Variants in LSM14A observed in about 807,000 individuals in gnomAD.
LSM14A encodes protein LSM14 homolog A.
LSM14A carries 14 observed loss-of-function variants against 52.4 expected under a neutral mutation model. The ratio of observed to expected loss-of-function variants is 0.27; its 90% CI spans 0.18 to 0.42. The LOEUF is 0.42. Ranked by LOEUF, LSM14A falls within the 10% of genes least tolerant of loss-of-function variation. LSM14A has a pLI of 1.00. For synonymous variants in LSM14A, 185 were observed against 200.3 expected, an observed-to-expected ratio of 0.92 and a Z score of 0.64; for missense variants, 417 against 581.8, an observed-to-expected ratio of 0.72 and a Z score of 2.91.
At chr19:34,172,885 G>T in intron 1 of LSM14A, 122 bp downstream of exon 1, 5 of 1,183,510 alleles carry the variant, frequency 4.2e-6, no homozygotes, top group Non-Finnish European at 5.6e-6. Flanking sequence ...GAGGCCTCTC[G>T]CCTCCCTTCT....
intron 1 of LSM14A, among the ~76,000 whole-genome samples, chr19:34,177,984 A>T (rs1426133142): frequency 1.3e-5 from 2 of 152,104 alleles, no homozygotes; most frequent in African/African-American, 2.4e-5. Context: ...AACATGGCGA[A>T]ACCCCGTCTC....
rs1242124295 is a variant in LSM14A, at chr19:34,196,349, T to G, written c.286-285T>G. On this transcript the variant is annotated intron_variant, in intron 2 of 9. Transcript: ENST00000544216. Reference sequence around the variant, plus strand: ...TTTAAGCAAAGTTACTTTACTTAAGTAACTTTAATTCTTTCCTCAATCTAT... The same window carrying G: ...TTTAAGCAAAGTTACTTTACTTAAGGAACTTTAATTCTTTCCTCAATCTAT... Among the ~76,000 whole-genome samples the G allele has an allele frequency of 2.0e-5, 3 of 152,188 alleles. 1 individual carries two copies. Among genetic ancestry groups the G allele is most frequent in the Non-Finnish European group, 4.4e-5 (3 of 68,024 alleles).
chr19:34,174,314 G>A (rs887318360), intron 1 of LSM14A, among the ~76,000 whole-genome samples: 41 of 152,322 alleles, frequency 2.7e-4, no homozygotes, highest in African/African-American at 9.6e-4. Flanking sequence ...GGAACCTTTT[G>A]ATGTTACAGA....
intron 9 of LSM14A, among the ~76,000 whole-genome samples, chr19:34,223,570 GAGGTAT>G (rs2073181599): frequency 6.6e-6 from 1 of 152,206 alleles, no homozygotes; most frequent in African/African-American, 2.4e-5. Context: ...CCAGGCACTA[GAGGTAT>G]CCATGATTGT....
intron 1 of LSM14A, among the ~76,000 whole-genome samples, chr19:34,185,047 A>T (rs1483669077): frequency 2.6e-5 from 4 of 152,232 alleles, no homozygotes; most frequent in African/African-American, 9.6e-5. Flanking sequence ...TTGTTATTAC[A>T]TCACTCTCTA....
chr19:34,217,619 G>GT (rs34613927), intron 6 of LSM14A, among the ~76,000 whole-genome samples: 937 of 13,734 alleles, frequency 0.068, 77 homozygotes, highest in East Asian at 0.14. Context: ...CCCCCCCCGT[G>GT]TTTTTTTTTT....
intron 1 of LSM14A, among the ~76,000 whole-genome samples, chr19:34,180,557 C>T (rs1262945663): frequency 6.6e-6 from 1 of 152,154 alleles, no homozygotes; most frequent in Non-Finnish European, 1.5e-5. Flanking sequence ...ACCACGATCT[C>T]CCTCTCTGTC....
At chr19:34,188,711 C>T (rs1204430274) in intron 1 of LSM14A, among the ~76,000 whole-genome samples, 1 of 152,056 alleles carries the variant, frequency 6.6e-6, no homozygotes, top group Admixed American at 6.6e-5. Context: ...CACTGTGTGA[C>T]GTTTTGTGTC....
intron 1 of LSM14A, among the ~76,000 whole-genome samples, chr19:34,186,591 A>C (rs1261862264): frequency 6.6e-6 from 1 of 152,138 alleles, no homozygotes; most frequent in Admixed American, 6.5e-5. Context: ...TCTCTATAAA[A>C]CCTGACCGAT....
chr19:34,208,332 A>G (rs1479128507), intron 3 of LSM14A: 2 of 152,214 alleles, frequency 1.3e-5, no homozygotes, highest in East Asian at 3.8e-4. Context: ...TACTGTAGAA[A>G]CTTAGAGAAG....
At chr19:34,201,577 T>G (rs1020312480) in intron 3 of LSM14A, among the ~76,000 whole-genome samples, 1 of 152,062 alleles carries the variant, frequency 6.6e-6, no homozygotes, top group African/African-American at 2.4e-5. Flanking sequence ...TCCTGACCTC[T>G]TGATCCGCCC....
At position 34,226,313 on chromosome 19, in the gene LSM14A, G is replaced by A. The variant is rs1368072068; in HGVS notation, c.1369-1052G>A. 3 of 1,211,492 alleles carry A rather than the reference G, an allele frequency of 2.5e-6. No homozygotes were observed. In the Admixed American group the frequency reaches 7.9e-5, roughly 32 times the overall value. 75.0% of individuals were successfully genotyped at this position (1,211,492 alleles called of 1,614,324 possible). A position where few individuals can be genotyped will look rare whatever the true frequency, so the allele number is the denominator to read the frequency against. ...AGGTGTCTGAATGACTCAGCATAATGCTCTCTCTCCTCTCCCCCTTTCATT... is the reference window on the plus strand; with the variant it reads ...AGGTGTCTGAATGACTCAGCATAATACTCTCTCTCCTCTCCCCCTTTCATT... On this transcript the variant is annotated intron_variant, in intron 9 of 9. Coordinates refer to ENST00000544216, the MANE Select transcript of LSM14A (RefSeq NM_015578.4).
At chr19:34,175,976 C>T (rs1479134383) in intron 1 of LSM14A, among the ~76,000 whole-genome samples, 1 of 152,096 alleles carries the variant, frequency 6.6e-6, no homozygotes, top group Non-Finnish European at 1.5e-5. Flanking sequence ...CCACAGCCTT[C>T]CGAGTAGCTG....
At chr19:34,181,294 C>T (rs1413758416) in intron 1 of LSM14A, among the ~76,000 whole-genome samples, 1 of 152,122 alleles carries the variant, frequency 6.6e-6, no homozygotes, top group Non-Finnish European at 1.5e-5. Flanking sequence ...CAAAAAACCC[C>T]ACTGTACTTG....
chr19:34,198,489 G>T (rs2071038468), intron 3 of LSM14A, among the ~76,000 whole-genome samples: 1 of 152,096 alleles, frequency 6.6e-6, no homozygotes, highest in Non-Finnish European at 1.5e-5. Context: ...GGTGGTGCAT[G>T]CCTGTAATCC....
chr19:34,173,073 C>G (rs1599647925), intron 1 of LSM14A, among the ~76,000 whole-genome samples: 2 of 152,370 alleles, frequency 1.3e-5, no homozygotes, highest in African/African-American at 4.8e-5. Context: ...CTCCGAAATT[C>G]GGGGCTTCTG....
intron 3 of LSM14A, among the ~76,000 whole-genome samples, chr19:34,198,389 G>A (rs1471354044): frequency 6.7e-6 from 1 of 149,248 alleles, no homozygotes; most frequent in Non-Finnish European, 1.5e-5. Flanking sequence ...GGCTGTGGGC[G>A]GATCACCTGA....
At chr19:34,218,926 G>A (rs2072869321) in intron 6 of LSM14A, among the ~76,000 whole-genome samples, 1 of 152,182 alleles carries the variant, frequency 6.6e-6, no homozygotes, top group African/African-American at 2.4e-5. Flanking sequence ...GTGCCGATTA[G>A]TGTTTATTTT....
chr19:34,223,703 T>A (rs2073188855), intron 9 of LSM14A, among the ~76,000 whole-genome samples: 1 of 152,256 alleles, frequency 6.6e-6, no homozygotes, highest in Non-Finnish European at 1.5e-5. Context: ...AGCTACATTT[T>A]GAACAACCTG....
Sources: gnomAD v4.1 joint callset for allele counts (sites outside exome capture counted in the v4.1 genomes callset) on GRCh38, gnomAD v4.1.1 for gene constraint, MANE v1.5 for transcripts, NCBI Gene and HGNC (gene_info 2026-07-23, HGNC 2026-07-21) for gene names.